Variants in SNX18 observed in about 807,000 individuals in gnomAD.
SNX18 encodes the protein sorting nexin 18, also known as sorting nexin-18.
Under a neutral mutation model 48.7 loss-of-function variants are expected in SNX18, and 35 were observed. The observed-to-expected ratio is 0.72, with a 90% CI of 0.55 to 0.95. The LOEUF (loss-of-function observed/expected upper bound fraction) is 0.95, where lower values mean the gene tolerates loss of function less well. Among genes scored for constraint, SNX18 ranks in the 40% least tolerant of loss-of-function variants. The pLI is 0.00. For missense variants in SNX18, 824 were observed against 871.0 expected (o/e 0.95, Z 0.68); for synonymous variants, 492 against 384.7 (o/e 1.28, Z -3.26).
At chr5:54,624,629 T>A in the SNX18 span, among the ~76,000 whole-genome samples, 3 of 152,238 alleles carry the variant, frequency 2.0e-5, no homozygotes, top group African/African-American at 7.2e-5. Context: ...AAAATTGAAC[T>A]GCACATTCAT....
intron 1 of SNX18, among the ~76,000 whole-genome samples, chr5:54,531,590 CTT>C (rs1335491557): frequency 2.0e-5 from 3 of 152,152 alleles, no homozygotes; most frequent in Non-Finnish European, 4.4e-5. Context: ...TATTTTAAAA[CTT>C]GATACAATTT....
intron 1 of SNX18, among the ~76,000 whole-genome samples, chr5:54,533,692 A>G (rs1215231435): frequency 1.3e-5 from 2 of 152,234 alleles, no homozygotes; most frequent in South Asian, 2.1e-4. Flanking sequence ...GAAGAAAATG[A>G]GACATGCGAA....
At chr5:54,624,864 A>ATCT in the SNX18 span, among the ~76,000 whole-genome samples, 2 of 152,206 alleles carry the variant, frequency 1.3e-5, no homozygotes, top group Non-Finnish European at 2.9e-5. Context: ...TGGAGGGTAA[A>ATCT]CAGCTGTCAG....
the SNX18 span, among the ~76,000 whole-genome samples, chr5:54,628,411 C>G: frequency 6.6e-6 from 1 of 152,162 alleles, no homozygotes; most frequent in African/African-American, 2.4e-5. Context: ...CCCCAGTATT[C>G]AAGTTGGAGA....
At chr5:54,566,760 C>A in the SNX18 span, among the ~76,000 whole-genome samples, 1 of 152,186 alleles carries the variant, frequency 6.6e-6, no homozygotes, top group Non-Finnish European at 1.5e-5. Context: ...TGTAGGGATG[C>A]CTGAAAACAG....
chr5:54,555,652 CCTGTTT>C, the SNX18 span, among the ~76,000 whole-genome samples: 4 of 151,624 alleles, frequency 2.6e-5, no homozygotes, highest in East Asian at 3.9e-4. Context: ...ACAGTGAAAC[CCTGTTT>C]CTACCAAACA....
At chr5:54,630,789 G>A in the SNX18 span, among the ~76,000 whole-genome samples, 11 of 142,122 alleles carry the variant, frequency 7.7e-5, no homozygotes, top group South Asian at 6.5e-4. Flanking sequence ...AGCCAAGATC[G>A]CCACTGCACT....
intron 1 of SNX18, among the ~76,000 whole-genome samples, chr5:54,542,814 C>T (rs1227101355): frequency 6.6e-6 from 1 of 152,160 alleles, no homozygotes; most frequent in African/African-American, 2.4e-5. Flanking sequence ...AATGATGTCA[C>T]ACCTTTTGAG....
At chr5:54,584,046 CTTTT>C in the SNX18 span, among the ~76,000 whole-genome samples, 2 of 110,650 alleles carry the variant, frequency 1.8e-5, no homozygotes, top group Admixed American at 9.9e-5. Flanking sequence ...GTGTGTAGCT[CTTTT>C]TTTTTTTTTT....
chr5:54,525,275 A>G (rs765142511), intron 1 of SNX18, among the ~76,000 whole-genome samples: 1 of 152,244 alleles, frequency 6.6e-6, no homozygotes, highest in South Asian at 2.1e-4. Context: ...GCATGGTGGC[A>G]CATGGCTTTA....
the SNX18 span, among the ~76,000 whole-genome samples, chr5:54,569,683 G>A: frequency 4.6e-5 from 7 of 152,136 alleles, no homozygotes; most frequent in Non-Finnish European, 8.8e-5. Flanking sequence ...CATGTGGCTT[G>A]GACTTACAAC....
chr5:54,521,556 C>A (rs1391177804), intron 1 of SNX18, among the ~76,000 whole-genome samples: 1 of 151,766 alleles, frequency 6.6e-6, no homozygotes, highest in South Asian at 2.1e-4. Context: ...AAGAAGTTAG[C>A]GTGGCATGGT....
chr5:54,544,643 C>CCA lies in SNX18; in HGVS notation c.*1212_*1213insAC, dbSNP rs1554020686. The CCA allele has an allele frequency of 7.3e-6, 1 of 137,216 alleles. No homozygotes were observed. Among genetic ancestry groups the CCA allele is most frequent in the African/African-American group, 2.7e-5 (1 of 37,390 alleles). 8.5% of individuals were successfully genotyped at this position (137,216 alleles called of 1,614,324 possible). On this transcript the variant is annotated 3_prime_UTR_variant, in exon 2 of 2. Coordinates refer to ENST00000381410, the MANE Select transcript of SNX18 (RefSeq NM_001102575.2). ...AAAAAAGGTATTGATGAGCCCCCCC[C>CCA]CCCCAGGACATTTAACCTTAAAATT... is the stretch of plus-strand genomic sequence containing the variant.
chr5:54,549,824 C>T (rs989907311), downstream of SNX18, among the ~76,000 whole-genome samples: 23 of 152,358 alleles, frequency 1.5e-4, no homozygotes, highest in Admixed American at 1.1e-3. Flanking sequence ...CAATGTGTCA[C>T]TCTGGGAAGT....
In SNX18 at chr5:54,544,515, A is replaced by T. The variant is rs1762537042; in HGVS notation, c.*1083A>T. 1 of 151,872 alleles carries T rather than the reference A, an allele frequency of 6.6e-6. No individual in the cohort carries two copies. The highest frequency in any genetic ancestry group is 2.1e-4 in the South Asian group (1 of 4,824). 9.4% of individuals were successfully genotyped at this position (151,872 alleles called of 1,614,324 possible). On this transcript the variant is annotated 3_prime_UTR_variant, in exon 2 of 2. Coordinates refer to ENST00000381410, the MANE Select transcript of SNX18 (RefSeq NM_001102575.2). Reference sequence around the variant, plus strand: ...CTGTAAATTTCAGTGTTAATATGTCATGAAAAGTGGTGTGGATTGATCTAA... The same window carrying T: ...CTGTAAATTTCAGTGTTAATATGTCTTGAAAAGTGGTGTGGATTGATCTAA...
chr5:54,564,945 C>T, the SNX18 span, among the ~76,000 whole-genome samples: 69,599 of 152,034 alleles, frequency 0.46, 16,113 homozygotes, highest in East Asian at 0.6. Context: ...GGGTAAAATT[C>T]GTTTTCTTCC....
At position 54,519,445 on chromosome 5, in the gene SNX18, A is replaced by T. The variant is rs1240684048; in HGVS notation, c.1493A>T (p.Asp498Val). 1.2e-6 allele frequency: 2 copies of T among 1,614,066 alleles called. No individual in the cohort carries two copies. Among genetic ancestry groups the T allele is most frequent in the South Asian group, 1.1e-5 (1 of 91,082 alleles). ...AACCAGGCTATCGCCTTCACCGGAG[A>T]TGCCTATGACGCCATTGGCGAGCTC... Reference protein sequence around the residue: ...GLNQAIAFTGDAYDAIGELFA... With the variant: ...GLNQAIAFTGVAYDAIGELFA... The change falls in exon 1 of 2, where the codon GAT becomes GTT. Residue 498 changes from aspartate (D) to valine (V), a missense_variant. By Grantham distance (152) the Asp-to-Val change is radical. Around this residue, in one of 3 missense-constraint regions of SNX18, gnomAD observed 443 missense variants for 503.6 expected, o/e 0.88. Transcript: ENST00000381410.
intron 1 of SNX18, chr5:54,519,796 C>G (rs1398757332): frequency 2.5e-6 from 4 of 1,613,276 alleles, no homozygotes; most frequent in Non-Finnish European, 3.4e-6. Flanking sequence ...TACTCTTTCT[C>G]GAAGGTTCAA....
At chr5:54,633,161 G>A in the SNX18 span, among the ~76,000 whole-genome samples, 1 of 152,094 alleles carries the variant, frequency 6.6e-6, no homozygotes, top group Non-Finnish European at 1.5e-5. Flanking sequence ...CCTGGTGAAC[G>A]TGAATCGGAG....
Sources: gnomAD v4.1 joint callset for allele counts (sites outside exome capture counted in the v4.1 genomes callset) on GRCh38, gnomAD v4.1.1 for gene constraint, gnomAD v4.1.1 regional missense constraint, MANE v1.5 for transcripts, NCBI Gene and HGNC (gene_info 2026-07-23, HGNC 2026-07-21) for gene names.